TRPM3: variants seen among roughly 807,000 people sequenced by gnomAD.
The protein encoded by TRPM3 is long transient receptor potential channel 3.
TRPM3 carries 77 observed loss-of-function variants against 181.2 expected under a neutral mutation model. The observed-to-expected ratio is 0.42, with a 90% CI of 0.35 to 0.51. The LOEUF (loss-of-function observed/expected upper bound fraction) is 0.51. TRPM3 is among the 20% of genes least tolerant of loss of function. TRPM3 has a pLI of 0.01. For missense variants in TRPM3, 1,759 were observed against 2,196.7 expected (o/e 0.80, Z 3.98); for synonymous variants, 745 against 796.4 (o/e 0.94, Z 1.09).
chr9:71,404,570 G>A (rs4744632), intron 1 of TRPM3, among the ~76,000 whole-genome samples: 24,861 of 151,990 alleles, frequency 0.16, 2,137 homozygotes, highest in East Asian at 0.21. Context: ...TCTCTCGGCT[G>A]GACTAATGCT....
chr9:70,847,322 TC>T (rs1440329303), intron 3 of TRPM3, among the ~76,000 whole-genome samples: 5 of 152,186 alleles, frequency 3.3e-5, no homozygotes, highest in Admixed American at 6.6e-5. Flanking sequence ...CATTTAGGTC[TC>T]AATGTAAGTA....
At chr9:70,592,478 C>T (rs1013417243) in intron 21 of TRPM3, among the ~76,000 whole-genome samples, 7 of 152,196 alleles carry the variant, frequency 4.6e-5, no homozygotes, top group African/African-American at 1.7e-4. Flanking sequence ...CAAAGCTTGA[C>T]AGTGATTGGG....
At chr9:70,699,535 A>T (rs907630037) in intron 8 of TRPM3, among the ~76,000 whole-genome samples, 2 of 152,186 alleles carry the variant, frequency 1.3e-5, no homozygotes, top group Admixed American at 1.3e-4. Flanking sequence ...TCAATGATTC[A>T]CTAAACACTA....
chr9:70,985,832 A>C (rs962137387), intron 1 of TRPM3, among the ~76,000 whole-genome samples: 13 of 152,350 alleles, frequency 8.5e-5, no homozygotes, highest in Admixed American at 2.6e-4. Flanking sequence ...CATGAGTTGG[A>C]GCGAGAATGA....
intron 7 of TRPM3, chr9:70,783,735 C>T (rs1026789024): frequency 3.7e-5 from 22 of 600,510 alleles, no homozygotes; most frequent in Non-Finnish European, 4.6e-5. Context: ...AAGTTACCAA[C>T]CTGAACCATC....
intron 1 of TRPM3, among the ~76,000 whole-genome samples, chr9:71,304,260 A>AGGT (rs1416737384): frequency 2.6e-5 from 4 of 152,204 alleles, no homozygotes; most frequent in Middle Eastern, 3.2e-3. Context: ...AGAGTTCTTC[A>AGGT]GGTCTGGTTT....
intron 6 of TRPM3, among the ~76,000 whole-genome samples, chr9:70,808,680 T>G (rs949637315): frequency 6.6e-6 from 1 of 152,228 alleles, no homozygotes; most frequent in African/African-American, 2.4e-5. Context: ...AATTATTCTT[T>G]AGAGGGAAGA....
At chr9:70,970,689 G>A (rs1255862012) in intron 1 of TRPM3, among the ~76,000 whole-genome samples, 1 of 152,124 alleles carries the variant, frequency 6.6e-6, no homozygotes, top group East Asian at 1.9e-4. Flanking sequence ...AATGAAAGCT[G>A]GTGATGAGGC....
Position 71,351,870 on chromosome 9 carries a change from G to GTTTTTTTTTTT in TRPM3, c.183+94782_183+94783insAAAAAAAAAAA. Among the ~76,000 whole-genome samples the GTTTTTTTTTTT allele has an allele frequency of 2.1e-5, 2 of 95,660 alleles. 1 individual carries two copies. The highest frequency in any genetic ancestry group is 4.3e-5 in the Non-Finnish European group (2 of 46,778). The allele number at this position is 95,660 out of a possible 152,430, so 62.8% of individuals were successfully genotyped here. Reference sequence around the variant, plus strand: ...ATGGGAAGTTTTTGTTTGTTTGTTTGTTTTTGTTTTTTTTTTTTTTTTTGA... The same window carrying GTTTTTTTTTTT: ...ATGGGAAGTTTTTGTTTGTTTGTTTGTTTTTTTTTTTTTTTTGTTTTTTTTTTTTTTTTTGA... On this transcript the variant is annotated intron_variant, in intron 1 of 24. Coordinates refer to the TRPM3 transcript ENST00000357533.
intron 1 of TRPM3, chr9:70,865,538 A>T (rs2095631913): frequency 6.6e-6 from 1 of 152,080 alleles, no homozygotes; most frequent in African/African-American, 2.4e-5. Context: ...TGAGCTGTTG[A>T]TTTGACCTGT....
chr9:71,196,305 T>G (rs1306856215), intron 1 of TRPM3, among the ~76,000 whole-genome samples: 1 of 151,066 alleles, frequency 6.6e-6, no homozygotes, highest in African/African-American at 2.4e-5. Context: ...ATTGAAGTTA[T>G]GGCCAAAAAA....
intron 12 of TRPM3, among the ~76,000 whole-genome samples, chr9:70,634,981 A>C (rs540909201): frequency 6.6e-6 from 1 of 152,132 alleles, no homozygotes; most frequent in Non-Finnish European, 1.5e-5. Flanking sequence ...TATGTCCACC[A>C]AAAGCATCTA....
intron 1 of TRPM3, among the ~76,000 whole-genome samples, chr9:71,102,200 T>C (rs990625382): frequency 6.6e-6 from 1 of 152,156 alleles, no homozygotes; most frequent in African/African-American, 2.4e-5. Context: ...CCATGCTTCT[T>C]ACTCCCATGA....
intron 1 of TRPM3, among the ~76,000 whole-genome samples, chr9:71,290,621 A>G (rs936826752): frequency 6.6e-6 from 1 of 152,118 alleles, no homozygotes; most frequent in Non-Finnish European, 1.5e-5. Flanking sequence ...ATGGACAAGA[A>G]TAATGTATAG....
intron 19 of TRPM3, among the ~76,000 whole-genome samples, chr9:70,606,491 T>C (rs1372329990): frequency 1.3e-5 from 2 of 152,190 alleles, no homozygotes; most frequent in East Asian, 1.9e-4. Flanking sequence ...ACTCTCAAAA[T>C]ACAGACTTCT....
intron 1 of TRPM3, among the ~76,000 whole-genome samples, chr9:71,226,587 T>C (rs2080672935): frequency 1.3e-5 from 2 of 151,748 alleles, no homozygotes; most frequent in African/African-American, 4.8e-5. Context: ...ACAAAGAAGG[T>C]TATTATATAA....
intron 8 of TRPM3, among the ~76,000 whole-genome samples, chr9:70,685,267 C>T (rs780335621): frequency 2.0e-5 from 3 of 152,232 alleles, no homozygotes; most frequent in South Asian, 4.1e-4. Context: ...TTTAGTTGTA[C>T]ATAGAATTCT....
chr9:70,623,361 G>A (rs1425754000), intron 14 of TRPM3, among the ~76,000 whole-genome samples: 10 of 115,042 alleles, frequency 8.7e-5, no homozygotes, highest in East Asian at 8.0e-4. Flanking sequence ...GTGAGACTGC[G>A]TCTCAAAAAA....
chr9:71,242,400 G>T (rs888721265), intron 1 of TRPM3, among the ~76,000 whole-genome samples: 3 of 152,154 alleles, frequency 2.0e-5, no homozygotes, highest in Admixed American at 6.6e-5. Flanking sequence ...TCTCGGTCAT[G>T]ACCGGATTAG....
Sources: gnomAD v4.1 joint callset for allele counts (sites outside exome capture counted in the v4.1 genomes callset) on GRCh38, gnomAD v4.1.1 for gene constraint, MANE v1.5 for transcripts, NCBI Gene and HGNC (gene_info 2026-07-23, HGNC 2026-07-21) for gene names.